The following PTPN14 variants were observed in gnomAD, a reference collection of about 807,000 sequenced individuals.
The protein encoded by PTPN14 is protein tyrosine phosphatase non-receptor type 14.
PTPN14 carries 53 observed loss-of-function variants against 126.8 expected under a neutral mutation model. The ratio of observed to expected loss-of-function variants is 0.42; its 90% confidence interval spans 0.34 to 0.53. The LOEUF (loss-of-function observed/expected upper bound fraction) is 0.53, where lower values mean the gene tolerates loss of function less well. PTPN14 is among the 20% of genes least tolerant of loss of function. The pLI, the probability that PTPN14 is intolerant of heterozygous loss-of-function variation, is 0.08. For missense variants in PTPN14, 1,257 were observed against 1,552.9 expected (o/e 0.81, Z 3.20); for synonymous variants, 630 against 599.3 (o/e 1.05, Z -0.75).
In PTPN14 at chr1:214,384,057, G is replaced by T; in HGVS notation, c.1798C>A (p.Arg600=). The part of the protein sequence containing the change: ...VSGSSPDLVT[R]KVQLSVKTFQ... ...GTCTTCACCGAGAGCTGCACCTTCCGGGTCACCAGGTCCGGGCTGCTGCCG... is the reference window on the plus strand; with the variant it reads ...GTCTTCACCGAGAGCTGCACCTTCCTGGTCACCAGGTCCGGGCTGCTGCCG... The change falls in exon 13 of 19, where the codon CGG becomes AGG. Residue 600 remains arginine, a synonymous_variant. Coordinates refer to ENST00000366956, the MANE Select transcript of PTPN14 (RefSeq NM_005401.5). This position sits in a 1 kb window ranked among gnomAD's most constrained non-coding sequence, Gnocchi z 5.3. 5 of 1,583,610 alleles carry T rather than the reference G, an allele frequency of 3.2e-6. No homozygotes were observed. Among genetic ancestry groups the T allele is most frequent in the Non-Finnish European group, 3.4e-6 (4 of 1,167,126 alleles).
At chr1:214,476,758 T>G (rs1168853872) in intron 1 of PTPN14, among the ~76,000 whole-genome samples, 4 of 152,138 alleles carry the variant, frequency 2.6e-5, no homozygotes. Context: ...GCTGGCTCGC[T>G]CCCTGCATTT....
At position 214,364,379 on chromosome 1, in the gene PTPN14, A is replaced by G; in HGVS notation, c.3435+133T>C. On this transcript the variant is annotated intron_variant, in intron 18 of 18. Transcript: ENST00000366956. This position sits in a 1 kb window ranked among gnomAD's most constrained non-coding sequence, Gnocchi z 4.1. The stretch of plus-strand genomic sequence containing the variant: ...AAATGTCAGAGTCAAACTAGGAACC[A>G]GGAGCCTGGAAAACTCTGGTTGGGA... 1 of 1,190,100 alleles carries G rather than the reference A, an allele frequency of 8.4e-7. No individual in the cohort carries two copies. Among genetic ancestry groups the G allele is most frequent in the South Asian group, 1.5e-5 (1 of 65,378 alleles). 73.7% of individuals were successfully genotyped at this position (1,190,100 alleles called of 1,614,324 possible). A position where few individuals can be genotyped will look rare whatever the true frequency, so the allele number is the denominator to read the frequency against.
rs1019284572 is a variant in PTPN14 at position 214,357,908 on chromosome 1, C to G, written c.*14G>C. The stretch of plus-strand genomic sequence containing the variant: ...TGGAGCTGGGTCCCTCCTCCAGGAG[C>G]TGGATTGGGGTGATTAAATGAGTCT... On this transcript the variant is annotated 3_prime_UTR_variant, in exon 19 of 19. Transcript: ENST00000366956. The G allele has an allele frequency of 6.2e-7, 1 of 1,609,666 alleles. No homozygotes were observed. The highest frequency in any genetic ancestry group is 1.3e-5 in the African/African-American group (1 of 74,922).
intron 5 of PTPN14, among the ~76,000 whole-genome samples, chr1:214,404,744 A>G (rs1421477591): frequency 6.6e-6 from 1 of 152,196 alleles, no homozygotes; most frequent in Non-Finnish European, 1.5e-5. Flanking sequence ...GTACACAGCC[A>G]CACACCTGTG....
chr1:214,466,689 T>C lies in PTPN14; in HGVS notation c.-154-1732A>G, dbSNP rs554560080. Among the ~76,000 whole-genome samples, 12 of 152,308 alleles carry C rather than the reference T, an allele frequency of 7.9e-5. No homozygotes were observed. The East Asian group carries it at 2.3e-3, about 29-fold the overall frequency. Reference sequence around the variant, plus strand: ...CCATTAAGCCCAACAGACTATCTCTTGCTCATCTGATTGTTTTGTTAACTT... The same window carrying C: ...CCATTAAGCCCAACAGACTATCTCTCGCTCATCTGATTGTTTTGTTAACTT... On this transcript the variant is annotated intron_variant, in intron 1 of 18. Coordinates refer to ENST00000366956, the MANE Select transcript of PTPN14 (RefSeq NM_005401.5).
At chr1:214,387,529 A>T in intron 11 of PTPN14, among the ~76,000 whole-genome samples, 1 of 152,200 alleles carries the variant, frequency 6.6e-6, no homozygotes, top group East Asian at 1.9e-4. Flanking sequence ...AAAGAAAAAA[A>T]TTATCTGGGC....
rs979259385 is a variant in PTPN14, at chr1:214,364,150, G to A, written c.3435+362C>T. 2.0e-5 allele frequency among the ~76,000 whole-genome samples: 3 copies of A among 152,134 alleles called. No homozygotes were observed. The highest frequency in any genetic ancestry group is 6.5e-5 in the Admixed American group (1 of 15,282). On this transcript the variant is annotated intron_variant, in intron 18 of 18. Coordinates refer to ENST00000366956, the MANE Select transcript of PTPN14 (RefSeq NM_005401.5). This position sits in a 1 kb window ranked among gnomAD's most constrained non-coding sequence, Gnocchi z 4.1. ...ACATCCTAGAAATGCAAGATGCATC[G>A]AAACTATATGGGGTCAAATAACTCA...
chr1:214,390,785 G>A (rs1480835990), intron 11 of PTPN14, among the ~76,000 whole-genome samples: 2 of 152,180 alleles, frequency 1.3e-5, no homozygotes, highest in Non-Finnish European at 2.9e-5. Flanking sequence ...CTCAGCCTCA[G>A]CCACACTTAG....
chr1:214,402,735 C>G, intron 6 of PTPN14, 148 bp downstream of exon 6: 1 of 671,724 alleles, frequency 1.5e-6, no homozygotes, highest in South Asian at 3.2e-5. Flanking sequence ...TTTTGCAGAA[C>G]GGAAGTACAG....
At chr1:214,470,401 T>G (rs182211253) in intron 1 of PTPN14, among the ~76,000 whole-genome samples, 1 of 152,248 alleles carries the variant, frequency 6.6e-6, no homozygotes, top group East Asian at 1.9e-4. Flanking sequence ...TAGGCGCATC[T>G]TATAAAGAAA....
chr1:214,528,068 A>G (rs1443991785), intron 1 of PTPN14, among the ~76,000 whole-genome samples: 4 of 152,240 alleles, frequency 2.6e-5, no homozygotes, highest in Non-Finnish European at 2.9e-5. Flanking sequence ...ATAAATATTT[A>G]ATATTCATGT....
In PTPN14 at chr1:214,364,360, CAG is replaced by C; in HGVS notation, c.3435+150_3435+151del. The C allele has an allele frequency of 1.0e-6, 1 of 974,724 alleles. No homozygotes were observed. The highest frequency in any genetic ancestry group is 1.5e-6 in the Non-Finnish European group (1 of 668,696). 60.4% of individuals were successfully genotyped at this position (974,724 alleles called of 1,614,324 possible). ...AAAAGATAAGGAGGGCTGTAAATGT[CAG>C]AGTCAAACTAGGAACCAGGAGCCTG... On this transcript the variant is annotated intron_variant, in intron 18 of 18. Coordinates refer to ENST00000366956, the MANE Select transcript of PTPN14 (RefSeq NM_005401.5). This position sits in a 1 kb window ranked among gnomAD's most constrained non-coding sequence, Gnocchi z 4.1.
At chr1:214,465,147 A>C (rs953521619) in intron 1 of PTPN14, among the ~76,000 whole-genome samples, 190 bp from the exon 2 acceptor site, 2 of 152,058 alleles carry the variant, frequency 1.3e-5, no homozygotes, top group Non-Finnish European at 1.5e-5. Context: ...CTTATCTTAC[A>C]AGGGTGATAC....
intron 1 of PTPN14, among the ~76,000 whole-genome samples, chr1:214,541,215 A>G (rs35727615): frequency 6.6e-6 from 1 of 152,164 alleles, no homozygotes; most frequent in Non-Finnish European, 1.5e-5. Context: ...ATACACATTA[A>G]AGAATCAGAA....
At chr1:214,429,787 A>G (rs771119487) in intron 3 of PTPN14, among the ~76,000 whole-genome samples, 166 of 152,234 alleles carry the variant, frequency 1.1e-3, no homozygotes, top group Non-Finnish European at 1.6e-3. Context: ...CTAAGGATCA[A>G]TATAGGGTAT....
chr1:214,498,809 A>G (rs1240411469), intron 1 of PTPN14, among the ~76,000 whole-genome samples: 6 of 151,838 alleles, frequency 4.0e-5, no homozygotes, highest in African/African-American at 1.5e-4. Flanking sequence ...TTCCTGCGAG[A>G]TCCTTGTTCT....
intron 18 of PTPN14, among the ~76,000 whole-genome samples, chr1:214,358,886 G>A (rs1206506313): frequency 1.3e-5 from 2 of 151,580 alleles, no homozygotes; most frequent in Non-Finnish European, 2.9e-5. Context: ...GGGATTACAG[G>A]TGCGCACCAC....
chr1:214,373,410 CCATACA>C (rs1359272205), intron 15 of PTPN14, among the ~76,000 whole-genome samples: 1 of 152,186 alleles, frequency 6.6e-6, no homozygotes, highest in Non-Finnish European at 1.5e-5. Flanking sequence ...CTATTAAAAA[CCATACA>C]CATACACACA....
intron 3 of PTPN14, among the ~76,000 whole-genome samples, chr1:214,435,137 G>A (rs1230211261): frequency 6.6e-6 from 1 of 152,118 alleles, no homozygotes; most frequent in African/African-American, 2.4e-5. Context: ...TATCAAAAGT[G>A]AAATTGATTC....
Sources: allele counts gnomAD v4.1 joint callset (sites outside exome capture counted in the v4.1 genomes callset), GRCh38; gene constraint gnomAD v4.1.1; non-coding constraint Gnocchi (gnomAD v3.1); transcripts MANE v1.5; gene names NCBI Gene and HGNC (gene_info 2026-07-23, HGNC 2026-07-21).